ZNF142: variants seen among roughly 807,000 people sequenced by gnomAD.
The protein encoded by ZNF142 is zinc finger protein 142 (clone pHZ-49).
A neutral mutation model predicts 132.1 loss-of-function variants in ZNF142; 96 were observed. That is an observed-to-expected ratio of 0.73 (90% CI 0.62 to 0.86). ZNF142 has a LOEUF of 0.86. Among genes scored for constraint, ZNF142 ranks in the 40% least tolerant of loss-of-function variants. The pLI is 0.00. For missense variants in ZNF142, 2,163 were observed against 2,336.2 expected, an observed-to-expected ratio of 0.93 and a Z score of 1.53; for synonymous variants, 842 against 890.1, an observed-to-expected ratio of 0.95 and a Z score of 0.96.
In ZNF142 at chr2:218,658,716, T is replaced by C. The variant is rs35620463; in HGVS notation, c.-50A>G. 0.056 allele frequency: 8,530 copies of C among 152,198 alleles called. 335 individuals carry two copies. Among genetic ancestry groups the C allele is most frequent in the East Asian group, 0.12 (605 of 5,164 alleles). 9.4% of individuals were successfully genotyped at this position (152,198 alleles called of 1,614,324 possible). A position where few individuals can be genotyped will look rare whatever the true frequency, so the allele number is the denominator to read the frequency against. On this transcript the variant is annotated 5_prime_UTR_variant, in exon 3 of 11. Transcript: ENST00000411696. The stretch of plus-strand genomic sequence containing the variant: ...CTCCACTTACTGAATATTATCGCTG[T>C]TCTGGGGAATCTTCAAGCTTGACCA...
Position 218,649,398 on chromosome 2 carries a change from G to GACTTTAAGTC in ZNF142, c.1109_1110insGACTTAAAGT (p.Cys371ThrfsTer2). The GACTTTAAGTC allele has an allele frequency of 6.2e-7, 1 of 1,613,610 alleles. No individual in the cohort carries two copies. Among genetic ancestry groups the GACTTTAAGTC allele is most frequent in the Non-Finnish European group, 8.5e-7 (1 of 1,179,784 alleles). On this transcript the variant is annotated stop_gained and frameshift_variant, in exon 7 of 11. Transcript: ENST00000411696. LOFTEE classifies it high-confidence loss of function. The stretch of plus-strand genomic sequence containing the variant: ...CCAGATGAGTCCGCTTCTTAAAGCA[G>GACTTTAAGTC]CGCTTACACTCTGGACACATATGGG...
rs375073089 is a variant in ZNF142 at position 218,642,381 on chromosome 2, T to C, written c.4735A>G (p.Ser1579Gly). ...LDEHRRQQHF[S>G]HRCQLCDFAA... Reference sequence around the variant, plus strand: ...AAGTCACAGAGCTGACAGCGGTGGCTGAAATGCTGCTGCCTCCGGTGCTCA... The same window carrying C: ...AAGTCACAGAGCTGACAGCGGTGGCCGAAATGCTGCTGCCTCCGGTGCTCA... Residue 1579 changes from serine (S) to glycine (G), a missense_variant, in exon 9 of 11, where the codon AGC becomes GGC. Ser to Gly is a moderately conservative substitution (Grantham distance 56). Transcript: ENST00000411696. This position sits in a 1 kb window ranked among gnomAD's most constrained non-coding sequence, Gnocchi z 4.6. The C allele has an allele frequency of 6.2e-6, 10 of 1,612,866 alleles. No individual in the cohort carries two copies. Among genetic ancestry groups the C allele is most frequent in the Non-Finnish European group, 6.8e-6 (8 of 1,180,036 alleles).
intron 3 of ZNF142, among the ~76,000 whole-genome samples, chr2:218,658,237 G>GA (rs1213952406): frequency 6.6e-6 from 1 of 151,968 alleles, no homozygotes; most frequent in African/African-American, 2.4e-5. Context: ...GATGCAAAAA[G>GA]AAAAAAAGAA....
rs760910261 is a variant in ZNF142, at chr2:218,643,660, T to G, written c.3456A>C (p.Thr1152=). 4 of 1,550,112 alleles carry G rather than the reference T, an allele frequency of 2.6e-6. No individual in the cohort carries two copies. In the Admixed American group the frequency reaches 6.2e-5, roughly 24 times the overall value. ...CAGAGACTGTGGCAAGAGGCTCTTC[T>G]GTTTCTTCTGGCTCCCTGGGAAGCT... ...PLELPREPEE[T]EEPLATVSGS... Residue 1152 remains threonine, a synonymous_variant, in exon 9 of 11, where the codon ACA becomes ACC. Coordinates refer to ENST00000411696, the MANE Select transcript of ZNF142 (RefSeq NM_001379659.1).
At chr2:218,645,189 C>T (rs1697631469) in intron 8 of ZNF142, 125 bp from the exon 9 acceptor site, 1 of 1,232,086 alleles carries the variant, frequency 8.1e-7, no homozygotes, top group Non-Finnish European at 1.1e-6. Flanking sequence ...CCTGATGTAA[C>T]CCTCCTTTTC....
chr2:218,638,568 G>T lies in ZNF142; in HGVS notation c.5435C>A (p.Ala1812Asp). 1 of 1,612,154 alleles carries T rather than the reference G, an allele frequency of 6.2e-7. No individual in the cohort carries two copies. Among genetic ancestry groups the T allele is most frequent in the Non-Finnish European group, 8.5e-7 (1 of 1,178,470 alleles). The change falls in exon 11 of 11, where the codon GCC becomes GAC. Residue 1812 changes from alanine (A) to aspartate (D), a missense_variant. Physicochemically the swap from Ala to Asp is moderately radical, Grantham distance 126. Transcript: ENST00000411696. Reference protein sequence around the residue: ...FRWAAGLRHHALTHTDRHPFF... With the variant: ...FRWAAGLRHHDLTHTDRHPFF... ...GGGGTGGCGGTCGGTGTGGGTGAGG[G>T]CATGATGGCGCAGGCCAGCAGCCCA...
Position 218,650,446 on chromosome 2 carries a change from C to G in ZNF142, c.961G>C (p.Glu321Gln). The G allele has an allele frequency of 6.2e-7, 1 of 1,614,196 alleles. No individual in the cohort carries two copies. Among genetic ancestry groups the G allele is most frequent in the Non-Finnish European group, 8.5e-7 (1 of 1,180,024 alleles). The change falls in exon 6 of 11, where the codon GAG (glutamate) becomes CAG (glutamine). Residue 321 changes from glutamate (E) to glutamine (Q), a missense_variant. Around this residue, in one of 7 missense-constraint regions of ZNF142, gnomAD observed 749 missense variants for 830.3 expected, o/e 0.90. Coordinates refer to ENST00000411696, the MANE Select transcript of ZNF142 (RefSeq NM_001379659.1). ...PLPGQETAEEENVEKEEKSDT... is the reference protein window; with the variant it reads ...PLPGQETAEEQNVEKEEKSDT... The stretch of plus-strand genomic sequence containing the variant: ...CTCTTCTCTTCTTTCTCTACATTCT[C>G]CTCTTCAGCTGTCTCCTGCCCAGGC...
At chr2:218,656,112 T>C in intron 4 of ZNF142, 38 bp downstream of exon 4, 1 of 1,465,824 alleles carries the variant, frequency 6.8e-7, no homozygotes. Flanking sequence ...ACCTCAGAGC[T>C]GCTTGTCCCA....
Position 218,643,932 on chromosome 2 carries a change from G to A in ZNF142, c.3184C>T (p.Arg1062Cys), listed in dbSNP as rs201901118. ...NLHSRTGCQG[R>C]REPLLCPECG... ...TCGGGGCACAGCAGGGGCTCTCGGC[G>A]GCCTTGGCACCCAGTCCTGGAGTGC... The change falls in exon 9 of 11, where the codon CGC becomes TGC. Residue 1062 changes from arginine to cysteine, a missense_variant. Arg to Cys is a radical substitution (Grantham distance 180). This residue lies in a region of ZNF142 where 809 missense variants were observed against 801.7 expected (regional missense o/e 1.01). Coordinates refer to ENST00000411696, the MANE Select transcript of ZNF142 (RefSeq NM_001379659.1). 1.7e-4 allele frequency: 280 copies of A among 1,614,106 alleles called. 1 individual carries two copies. In the South Asian group the frequency reaches 2.7e-3, roughly 16 times the overall value.
At position 218,644,012 on chromosome 2, in the gene ZNF142, G is replaced by C; in HGVS notation, c.3104C>G (p.Ala1035Gly). The C allele has an allele frequency of 6.2e-7, 1 of 1,614,096 alleles. No individual in the cohort carries two copies. The highest frequency in any genetic ancestry group is 2.2e-5 in the East Asian group (1 of 44,870). Residue 1035 changes from alanine (A) to glycine (G), a missense_variant, in exon 9 of 11, where the codon GCC becomes GGC. Coordinates refer to ENST00000411696, the MANE Select transcript of ZNF142 (RefSeq NM_001379659.1). This position sits in a 1 kb window ranked among gnomAD's most constrained non-coding sequence, Gnocchi z 4.6. ...AAAAGGGCAGTGTGGGCAGCGGAAG[G>C]CTCGCCCCTCTCCCTGGATCACTAC... Reference protein sequence around the residue: ...QMVVIQGEGRAFRCPHCPFIT... With the variant: ...QMVVIQGEGRGFRCPHCPFIT...
chr2:218,633,665 T>C lies in ZNF142; in HGVS notation c.*4674A>G. The C allele has an allele frequency of 6.2e-7, 1 of 1,613,432 alleles. No homozygotes were observed. Among genetic ancestry groups the C allele is most frequent in the Non-Finnish European group, 8.5e-7 (1 of 1,179,364 alleles). Reference sequence around the variant, plus strand: ...CCTGGTTATCTACTTGAAGTCTGTCTCATTCCGCAGCTTCACACATTCAAA... The same window carrying C: ...CCTGGTTATCTACTTGAAGTCTGTCCCATTCCGCAGCTTCACACATTCAAA... On this transcript the variant is annotated 3_prime_UTR_variant, in exon 11 of 11. Coordinates refer to ENST00000411696, the MANE Select transcript of ZNF142 (RefSeq NM_001379659.1).
chr2:218,643,755 TGTCCTCTGA>T lies in ZNF142; in HGVS notation c.3352_3360del (p.Ser1118_Asp1120del), dbSNP rs1422025790. ...GCAGGTGGGGGCTTCCCACTTTCTG[TGTCCTCTGA>T]GGCCTGGGTACCTGGGAGCACAGGT... On this transcript the variant is annotated inframe_deletion, in exon 9 of 11. Transcript: ENST00000411696. The T allele has an allele frequency of 6.2e-7, 1 of 1,610,550 alleles. No individual in the cohort carries two copies. Among genetic ancestry groups the T allele is most frequent in the African/African-American group, 1.3e-5 (1 of 74,718 alleles).
intron 3 of ZNF142, among the ~76,000 whole-genome samples, chr2:218,658,435 G>T (rs368100110): frequency 6.6e-6 from 1 of 152,132 alleles, no homozygotes; most frequent in East Asian, 1.9e-4. Context: ...CAGCTACTCG[G>T]GAGGCTGAGG....
chr2:218,634,588 G>GA lies in ZNF142; in HGVS notation c.*3750dup. ...ATATCCAGAGTTCTTTCCACCCTGAGAAGCCCATCAGCCCTTTCAAAGCCC... is the reference window on the plus strand; with the variant it reads ...ATATCCAGAGTTCTTTCCACCCTGAGAAAGCCCATCAGCCCTTTCAAAGCCC... On this transcript the variant is annotated 3_prime_UTR_variant, in exon 11 of 11. Transcript: ENST00000411696. This position sits in a 1 kb window ranked among gnomAD's most constrained non-coding sequence, Gnocchi z 4.0. 1 of 1,614,062 alleles carries GA rather than the reference G, an allele frequency of 6.2e-7. No homozygotes were observed. The highest frequency in any genetic ancestry group is 8.5e-7 in the Non-Finnish European group (1 of 1,179,916).
In ZNF142 at chr2:218,635,859, C is replaced by T. The variant is rs568121475; in HGVS notation, c.*2480G>A. ...CAAAGAGGGGTCCATTGTGGATCCA[C>T]TGGTGAAAGTGCAGATCTTTGGCGT... On this transcript the variant is annotated 3_prime_UTR_variant, in exon 11 of 11. Coordinates refer to ENST00000411696, the MANE Select transcript of ZNF142 (RefSeq NM_001379659.1). The T allele has an allele frequency of 1.9e-6, 3 of 1,613,968 alleles. No individual in the cohort carries two copies. In the Admixed American group the frequency reaches 5.0e-5, roughly 27 times the overall value.
rs75450449 is a variant in ZNF142 at position 218,636,874 on chromosome 2, C to T, written c.*1465G>A. 265 of 493,690 alleles carry T rather than the reference C, an allele frequency of 5.4e-4. 1 individual carries two copies. Among genetic ancestry groups the T allele is most frequent in the East Asian group, 5.1e-3 (86 of 16,958 alleles). 30.6% of individuals were successfully genotyped at this position (493,690 alleles called of 1,614,324 possible). On this transcript the variant is annotated 3_prime_UTR_variant, in exon 11 of 11. Coordinates refer to ENST00000411696, the MANE Select transcript of ZNF142 (RefSeq NM_001379659.1). ...TCTTGCTGTAGGCTCAATCCCATAC[C>T]GACATCTACAACTAATCTTTCCCAT...
chr2:218,642,737 G>A lies in ZNF142; in HGVS notation c.4379C>T (p.Pro1460Leu), dbSNP rs200823502. The change falls in exon 9 of 11, where the codon CCA becomes CTA. Residue 1460 changes from proline (P) to leucine (L), a missense_variant. By Grantham distance (98) the Pro-to-Leu change is moderately conservative (BLOSUM62 -3). Transcript: ENST00000411696. This position sits in a 1 kb window ranked among gnomAD's most constrained non-coding sequence, Gnocchi z 4.6. ...AAGGTAGCCACTATAGTCACAAAGT[G>A]GACAGAAGTGGGTAGGTGTTTTGTC... is the stretch of plus-strand genomic sequence containing the variant. ...VHDKTPTHFC[P>L]LCDYSGYLRH... 112 of 1,614,092 alleles carry A rather than the reference G, an allele frequency of 6.9e-5. No homozygotes were observed. The highest frequency in any genetic ancestry group is 8.5e-5 in the Non-Finnish European group (100 of 1,180,048).
At chr2:218,645,929 T>A (rs368380038) in intron 8 of ZNF142, among the ~76,000 whole-genome samples, 1 of 152,116 alleles carries the variant, frequency 6.6e-6, no homozygotes, top group South Asian at 2.1e-4. Flanking sequence ...GCCCAGCTAA[T>A]TTTTGTAGTT....
rs1279739040 is a variant in ZNF142, at chr2:218,649,375, A to G, written c.1133T>C (p.Leu378Pro). 6.2e-7 allele frequency: 1 copy of G among 1,614,038 alleles called. No individual in the cohort carries two copies. Among genetic ancestry groups the G allele is most frequent in the East Asian group, 2.2e-5 (1 of 44,896 alleles). Residue 378 changes from leucine to proline, a missense_variant, in exon 7 of 11, where the codon CTG becomes CCG. Physicochemically the swap from Leu to Pro is moderately conservative, Grantham distance 98 (BLOSUM62 -3). Transcript: ENST00000411696. ...CKRCFKKRTHLVEHLHLHFPD... is the reference protein window; with the variant it reads ...CKRCFKKRTHPVEHLHLHFPD... Reference sequence around the variant, plus strand: ...GAAGTGGAGATGCAGGTGCTCCACCAGATGAGTCCGCTTCTTAAAGCAGCG... The same window carrying G: ...GAAGTGGAGATGCAGGTGCTCCACCGGATGAGTCCGCTTCTTAAAGCAGCG...
Sources: gnomAD v4.1 joint callset for allele counts (sites outside exome capture counted in the v4.1 genomes callset) on GRCh38, gnomAD v4.1.1 for gene constraint, gnomAD v4.1.1 regional missense constraint, Gnocchi (gnomAD v3.1) non-coding constraint, MANE v1.5 for transcripts, NCBI Gene and HGNC (gene_info 2026-07-23, HGNC 2026-07-21) for gene names.